UGT2B4: variants seen among roughly 807,000 people sequenced by gnomAD.
The protein encoded by UGT2B4 is UDP glucuronosyltransferase family 2 member B4.
A neutral mutation model predicts 49.8 loss-of-function variants in UGT2B4; 49 were observed. The observed-to-expected ratio is 0.98, with a 90% CI of 0.78 to 1.25. The LOEUF (loss-of-function observed/expected upper bound fraction) is 1.25, where lower values mean the gene tolerates loss of function less well. UGT2B4 is among the 50% of genes most tolerant of loss of function. UGT2B4 has a pLI of 0.00. For synonymous variants in UGT2B4, 246 were observed against 217.7 expected (o/e 1.13, Z -1.14); for missense variants, 729 against 627.7 (o/e 1.16, Z -1.73).
chr4:69,485,063 CAAAAAT>C (rs1256507160), intron 5 of UGT2B4, 139 bp downstream of exon 5: 4 of 1,020,708 alleles, frequency 3.9e-6, no homozygotes, highest in Admixed American at 6.3e-5. Context: ...AATAACCACT[CAAAAAT>C]AAAAGCAGAT....
At chr4:69,496,040 T>G (rs1728153510), upstream of UGT2B4, 1 of 1,030,622 alleles carries the variant, frequency 9.7e-7, no homozygotes, top group Non-Finnish European at 1.3e-6. Flanking sequence ...GTAGATGACC[T>G]GTTTACACAA....
At chr4:69,492,096 T>C (rs1728004720) in intron 2 of UGT2B4, among the ~76,000 whole-genome samples, 1 of 152,124 alleles carries the variant, frequency 6.6e-6, no homozygotes, top group African/African-American at 2.4e-5. Flanking sequence ...CTTTTATTAT[T>C]GTAAACTGAG....
At chr4:69,500,218 G>C (rs991487492), upstream of UGT2B4, among the ~76,000 whole-genome samples, 11 of 152,084 alleles carry the variant, frequency 7.2e-5, no homozygotes, top group African/African-American at 2.7e-4. Flanking sequence ...ACACATGGAG[G>C]GGAACAACAC....
At chr4:69,523,569 T>C (rs1728893187) in intron 1 of UGT2B4, among the ~76,000 whole-genome samples, 1 of 152,138 alleles carries the variant, frequency 6.6e-6, no homozygotes, top group Non-Finnish European at 1.5e-5. Context: ...ATCTAGGCTT[T>C]GTCATTCTAT....
intron 1 of UGT2B4, among the ~76,000 whole-genome samples, chr4:69,522,254 C>A (rs1728865433): frequency 6.6e-6 from 1 of 152,114 alleles, no homozygotes; most frequent in Admixed American, 6.6e-5. Context: ...ATCAAAAACA[C>A]ATTATACACA....
At chr4:69,487,171 G>A (rs1727814245) in intron 3 of UGT2B4, among the ~76,000 whole-genome samples, 1 of 152,264 alleles carries the variant, frequency 6.6e-6, no homozygotes, top group South Asian at 2.1e-4. Flanking sequence ...AGACAGCATG[G>A]CGATTCCTCA....
At chr4:69,502,141 CTTTCTTTCTCT>C (rs1338564980) in intron 1 of UGT2B4, among the ~76,000 whole-genome samples, 1 of 117,962 alleles carries the variant, frequency 8.5e-6, no homozygotes, top group Non-Finnish European at 1.8e-5. Context: ...TTCTTTCTTT[CTTTCTTTCTCT>C]TTCTTTCTTT....
rs893043966 is a variant in UGT2B4, at chr4:69,495,308, C to T, written c.554G>A (p.Gly185Glu). 1.2e-6 allele frequency: 2 copies of T among 1,613,120 alleles called. No individual in the cohort carries two copies. The highest frequency in any genetic ancestry group is 1.7e-6 in the Non-Finnish European group (2 of 1,179,634). Residue 185 changes from glycine to glutamate, a missense_variant, in exon 1 of 6, where the codon GGA becomes GAA. Physicochemically the swap from Gly to Glu is moderately conservative, Grantham distance 98. Transcript: ENST00000305107. ...SPGYAIEKHS[G>E]GLLFPPSYVP... ...ATAGGAAGGAGGGAACAGAAGTCCT[C>T]CACTATGCTTTTCAATTGCGTAGCC...
At chr4:69,506,511 G>A (rs1196114587) in intron 1 of UGT2B4, among the ~76,000 whole-genome samples, 2 of 151,994 alleles carry the variant, frequency 1.3e-5, no homozygotes, top group African/African-American at 4.8e-5. Flanking sequence ...ACCCTCCAAA[G>A]ACTAAACCCA....
chr4:69,518,124 T>C (rs1728773200), intron 1 of UGT2B4: 1 of 152,336 alleles, frequency 6.6e-6, no homozygotes, highest in Admixed American at 6.5e-5. Context: ...GGTCCAGAAA[T>C]TCATTATGTA....
rs1449433728 is a variant in UGT2B4, at chr4:69,495,286, G to A, written c.576C>T (p.Ser192=). ...KHSGGLLFPP[S]YVPVVMSELS... ...GTTCTGACATAACAACAGGCACATA[G>A]GAAGGAGGGAACAGAAGTCCTCCAC... Residue 192 remains serine (S), a synonymous_variant, in exon 1 of 6, where the codon TCC becomes TCT. Transcript: ENST00000305107. 5 of 1,613,322 alleles carry A rather than the reference G, an allele frequency of 3.1e-6. No homozygotes were observed. Among genetic ancestry groups the A allele is most frequent in the Non-Finnish European group, 4.2e-6 (5 of 1,179,782 alleles).
At chr4:69,521,248 C>A (rs943503810) in intron 1 of UGT2B4, among the ~76,000 whole-genome samples, 2 of 152,188 alleles carry the variant, frequency 1.3e-5, no homozygotes, top group Non-Finnish European at 2.9e-5. Flanking sequence ...TAACACAAAC[C>A]AGCCTGAAAC....
chr4:69,481,033 T>C, intron 5 of UGT2B4, 123 bp from the exon 6 acceptor site: 1 of 875,230 alleles, frequency 1.1e-6, no homozygotes, highest in East Asian at 4.0e-5. Context: ...GGTCAGGAGA[T>C]CAAGACCATC....
chr4:69,485,495 C>T (rs1727754388), intron 4 of UGT2B4, 68 bp from the exon 5 acceptor site: 1 of 1,588,292 alleles, frequency 6.3e-7, no homozygotes, highest in Non-Finnish European at 8.6e-7. Context: ...ATGGAAGAAT[C>T]TGAATGTGAC....
At chr4:69,501,734 G>A (rs1280816732) in intron 1 of UGT2B4, among the ~76,000 whole-genome samples, 1 of 152,108 alleles carries the variant, frequency 6.6e-6, no homozygotes, top group Non-Finnish European at 1.5e-5. Flanking sequence ...TGTCATCTTT[G>A]CTGTTTGGGC....
At chr4:69,491,476 A>G (rs41297373) in intron 2 of UGT2B4, among the ~76,000 whole-genome samples, 28,589 of 152,036 alleles carry the variant, frequency 0.19, 3,048 homozygotes, top group Non-Finnish European at 0.25. Context: ...TTTAATACTT[A>G]ATACATTTGC....
chr4:69,503,791 G>A lies in UGT2B4; in HGVS notation c.-105-7825C>T, dbSNP rs541385309. On this transcript the variant is annotated intron_variant, in intron 1 of 1. Transcript: ENST00000510114. ...CTCCAGTTGCCTTGCTTCAGCCTTC[G>A]TGATGAGCAACCATAGTGAGGCAGA... Among the ~76,000 whole-genome samples the A allele has an allele frequency of 5.3e-5, 8 of 152,282 alleles. No individual in the cohort carries two copies. In the South Asian group the frequency reaches 1.7e-3, roughly 32 times the overall value.
intron 1 of UGT2B4, among the ~76,000 whole-genome samples, chr4:69,524,739 A>G (rs529542107): frequency 4.0e-4 from 61 of 152,268 alleles, no homozygotes; most frequent in African/African-American, 1.4e-3. Context: ...ATGATAAAAC[A>G]AAGTGCAATA....
intron 4 of UGT2B4, 48 bp from the exon 5 acceptor site, chr4:69,485,475 G>A (rs1175264245): frequency 1.2e-6 from 2 of 1,602,174 alleles, no homozygotes; most frequent in East Asian, 4.5e-5. Flanking sequence ...AATAAAATGA[G>A]AAATGCACAA....
Sources: gnomAD v4.1 joint callset for allele counts (sites outside exome capture counted in the v4.1 genomes callset) on GRCh38, gnomAD v4.1.1 for gene constraint, MANE v1.5 for transcripts, NCBI Gene and HGNC (gene_info 2026-07-23, HGNC 2026-07-21) for gene names.